The following CATSPER3 variants were observed in gnomAD, a reference collection of about 807,000 sequenced individuals.
CATSPER3 encodes the protein cation channel sperm-associated protein 3.
A neutral mutation model predicts 36.6 loss-of-function variants in CATSPER3; 23 were observed. The observed-to-expected ratio is 0.63, with a 90% CI of 0.45 to 0.89. The LOEUF (loss-of-function observed/expected upper bound fraction) is 0.89, where lower values mean the gene tolerates loss of function less well. Ranked by LOEUF, CATSPER3 falls within the 40% of genes least tolerant of loss-of-function variation. CATSPER3 has a pLI of 0.00. For synonymous variants in CATSPER3, 172 were observed against 184.1 expected (o/e 0.93, Z 0.53); for missense variants, 474 against 503.9 (o/e 0.94, Z 0.57).
intron 3 of CATSPER3, among the ~76,000 whole-genome samples, chr5:135,000,114 A>C (rs1284038826): frequency 1.3e-5 from 2 of 152,204 alleles, no homozygotes; most frequent in Non-Finnish European, 2.9e-5. Flanking sequence ...AGTTTTTAGC[A>C]TGAAGGGCTG....
At chr5:134,996,951 T>G (rs940884423) in intron 3 of CATSPER3, among the ~76,000 whole-genome samples, 1 of 152,222 alleles carries the variant, frequency 6.6e-6, no homozygotes, top group African/African-American at 2.4e-5. Context: ...CTGGAAATAG[T>G]CTCTGTGCTT....
chr5:134,996,079 G>A (rs938004754), intron 2 of CATSPER3, among the ~76,000 whole-genome samples, 194 bp from the exon 3 acceptor site: 4 of 152,198 alleles, frequency 2.6e-5, no homozygotes, highest in Non-Finnish European at 4.4e-5. Flanking sequence ...GTAGGGCCAC[G>A]GGGTAGGGAG....
intron 2 of CATSPER3, among the ~76,000 whole-genome samples, chr5:134,971,648 C>T (rs1161973341): frequency 6.6e-6 from 1 of 152,168 alleles, no homozygotes; most frequent in Non-Finnish European, 1.5e-5. Flanking sequence ...TAATCCAATA[C>T]TGGGCTAGAT....
At chr5:134,992,058 G>T (rs951863735) in intron 2 of CATSPER3, among the ~76,000 whole-genome samples, 7 of 151,780 alleles carry the variant, frequency 4.6e-5, no homozygotes, top group African/African-American at 1.7e-4. Context: ...GGAGGTTGAG[G>T]CTGCAGTGAG....
intron 4 of CATSPER3, 36 bp downstream of exon 4, chr5:135,008,175 C>G (rs754171154): frequency 6.3e-7 from 1 of 1,575,518 alleles, no homozygotes; most frequent in Non-Finnish European, 8.7e-7. Flanking sequence ...GGGCAGGGGC[C>G]TTAGGAAGGG....
chr5:134,977,572 A>G (rs536933387), intron 2 of CATSPER3, among the ~76,000 whole-genome samples: 1 of 152,244 alleles, frequency 6.6e-6, no homozygotes. Context: ...ACCAGTCTCT[A>G]AGAGGTTCCA....
intron 7 of CATSPER3, 57 bp from the exon 8 acceptor site, chr5:135,011,464 G>A (rs1752178625): frequency 2.3e-6 from 3 of 1,289,636 alleles, no homozygotes; most frequent in East Asian, 4.8e-5. Context: ...TGGGGCCAGG[G>A]GGTCCTGGAG....
At chr5:134,995,905 A>G (rs1580910740) in intron 2 of CATSPER3, 1 of 334,612 alleles carries the variant, frequency 3.0e-6, no homozygotes, top group South Asian at 3.0e-5. Flanking sequence ...TATTTCATCT[A>G]TATTCCTAAA....
At chr5:134,982,397 T>C (rs59692012) in intron 2 of CATSPER3, among the ~76,000 whole-genome samples, 11,543 of 152,032 alleles carry the variant, frequency 0.076, 1,012 homozygotes, top group African/African-American at 0.22. Flanking sequence ...CACTAAGACA[T>C]GTAATCAAAC....
At chr5:135,001,516 G>C (rs1044002940) in intron 3 of CATSPER3, among the ~76,000 whole-genome samples, 4 of 152,174 alleles carry the variant, frequency 2.6e-5, no homozygotes, top group African/African-American at 7.2e-5. Context: ...CTGTCTCATT[G>C]ATCTGTCTAA....
chr5:134,976,037 T>C lies in CATSPER3; in HGVS notation c.252+5945T>C, dbSNP rs1477073677. ...AAGCCAAGCACAGAAGAACAAATAC[T>C]ACATGATCTCACTCATGTGGAATCT... On this transcript the variant is annotated intron_variant, in intron 2 of 7. Coordinates refer to ENST00000282611, the MANE Select transcript of CATSPER3 (RefSeq NM_178019.3). Among the ~76,000 whole-genome samples the C allele has an allele frequency of 3.3e-5, 5 of 152,332 alleles. No individual in the cohort carries two copies. In the East Asian group the frequency reaches 9.6e-4, roughly 29 times the overall value.
intron 2 of CATSPER3, among the ~76,000 whole-genome samples, chr5:134,977,233 A>G (rs1189444413): frequency 6.6e-6 from 1 of 152,106 alleles, no homozygotes; most frequent in Non-Finnish European, 1.5e-5. Flanking sequence ...AGACTTTTAT[A>G]CTGTGCTTCC....
chr5:135,000,208 C>T (rs1331747413), intron 3 of CATSPER3, among the ~76,000 whole-genome samples: 2 of 152,118 alleles, frequency 1.3e-5, no homozygotes, highest in Non-Finnish European at 2.9e-5. Flanking sequence ...TGATGGATTA[C>T]GTTTATTGAT....
intron 3 of CATSPER3, among the ~76,000 whole-genome samples, chr5:135,002,322 C>T (rs979803901): frequency 5.3e-5 from 8 of 152,238 alleles, no homozygotes; most frequent in Non-Finnish European, 7.4e-5. Flanking sequence ...GAATTTCTGC[C>T]GAGAGATCAG....
intron 2 of CATSPER3, chr5:134,975,081 T>C (rs1416362076): frequency 6.6e-6 from 1 of 152,130 alleles, no homozygotes; most frequent in Non-Finnish European, 1.5e-5. Context: ...TTACTTAAGC[T>C]CTCTGTGGTT....
chr5:135,009,387 T>G lies in CATSPER3; in HGVS notation c.833T>G (p.Phe278Cys), dbSNP rs1317554088. The change falls in exon 6 of 8, where the codon TTT becomes TGT. Residue 278 changes from phenylalanine to cysteine, a missense_variant. Physicochemically the swap from Phe to Cys is radical, Grantham distance 205. Transcript: ENST00000282611. ...IMHTEDSIRKFERELMLEQQE... is the reference protein window; with the variant it reads ...IMHTEDSIRKCERELMLEQQE... ...ACTCTCTAGGACTCCATCAGAAAGT[T>G]TGAGCGAGAGCTGATGTTGGAGCAG... 1 of 1,613,466 alleles carries G rather than the reference T, an allele frequency of 6.2e-7. No homozygotes were observed. Among genetic ancestry groups the G allele is most frequent in the Non-Finnish European group, 8.5e-7 (1 of 1,179,720 alleles).
chr5:134,970,947 A>G lies in CATSPER3; in HGVS notation c.252+855A>G, dbSNP rs77556240. Among the ~76,000 whole-genome samples the G allele has an allele frequency of 3.7e-3, 567 of 151,554 alleles. 7 individuals are homozygous for G. In the East Asian group the frequency reaches 0.037, roughly 10 times the overall value. The stretch of plus-strand genomic sequence containing the variant: ...GCCTGGGCAACAAAGTGGGACTCCT[A>G]TCTCTCTTTTTTTTTGTTTTGAGAC... On this transcript the variant is annotated intron_variant, in intron 2 of 7. Transcript: ENST00000282611.
chr5:135,007,862 G>A (rs1484552703), intron 3 of CATSPER3, 95 bp from the exon 4 acceptor site: 226 of 766,462 alleles, frequency 2.9e-4, no homozygotes, highest in Non-Finnish European at 2.7e-4. Flanking sequence ...AACAGTTGCT[G>A]GGGACAGCTG....
chr5:135,005,406 T>C (rs539975650), intron 3 of CATSPER3, among the ~76,000 whole-genome samples: 1 of 152,202 alleles, frequency 6.6e-6, no homozygotes, highest in Non-Finnish European at 1.5e-5. Flanking sequence ...AGTGATTCCC[T>C]GGGGATCACC....
Sources: gnomAD v4.1 joint callset for allele counts (sites outside exome capture counted in the v4.1 genomes callset) on GRCh38, gnomAD v4.1.1 for gene constraint, MANE v1.5 for transcripts, NCBI Gene and HGNC (gene_info 2026-07-23, HGNC 2026-07-21) for gene names.